The following MCPH1 variants were observed in gnomAD, a reference collection of about 807,000 sequenced individuals.
The protein encoded by MCPH1 is microcephalin.
MCPH1 carries 104 observed loss-of-function variants against 84.5 expected under a neutral mutation model. The ratio of observed to expected loss-of-function variants is 1.23; its 90% CI spans 1.05 to 1.45. The LOEUF is 1.45. Ranked by LOEUF, MCPH1 falls within the 40% of genes most tolerant of loss-of-function variation. The pLI, the probability that MCPH1 is intolerant of heterozygous loss-of-function variation, is 0.00. For synonymous variants in MCPH1, 514 were observed against 366.8 expected, an observed-to-expected ratio of 1.40 and a Z score of -4.58; for missense variants, 1,498 against 1,005.7, an observed-to-expected ratio of 1.49 and a Z score of -6.62.
At chr8:6,558,246 GC>G (rs1170405625) in intron 12 of MCPH1, among the ~76,000 whole-genome samples, 3 of 152,164 alleles carry the variant, frequency 2.0e-5, no homozygotes, top group Non-Finnish European at 4.4e-5. Context: ...ATCTCTGAGT[GC>G]TAATCTCCAA....
intron 12 of MCPH1, among the ~76,000 whole-genome samples, chr8:6,536,876 C>T (rs1239273683): frequency 6.6e-6 from 1 of 151,204 alleles, no homozygotes; most frequent in Non-Finnish European, 1.5e-5. Context: ...TTTAGTGTCT[C>T]TCTTATTTTT....
intron 12 of MCPH1, among the ~76,000 whole-genome samples, chr8:6,504,801 A>G (rs1214278573): frequency 6.6e-6 from 1 of 152,140 alleles, no homozygotes; most frequent in Non-Finnish European, 1.5e-5. Context: ...TACAAACTAA[A>G]CTTTGTAAGT....
intron 7 of MCPH1, among the ~76,000 whole-genome samples, chr8:6,443,423 G>C (rs756928310): frequency 2.7e-5 from 4 of 148,186 alleles, no homozygotes; most frequent in Non-Finnish European, 5.9e-5. Flanking sequence ...GGGAAGCTTT[G>C]GTGGTTACCT....
intron 12 of MCPH1, among the ~76,000 whole-genome samples, chr8:6,533,859 T>C (rs976310963): frequency 6.6e-6 from 1 of 152,212 alleles, no homozygotes; most frequent in Non-Finnish European, 1.5e-5. Flanking sequence ...CTTTCTGTCT[T>C]TAAGAGTAGG....
At chr8:6,524,147 T>G (rs1405458784) in intron 12 of MCPH1, among the ~76,000 whole-genome samples, 1 of 152,198 alleles carries the variant, frequency 6.6e-6, no homozygotes, top group Non-Finnish European at 1.5e-5. Flanking sequence ...TTAGTACACA[T>G]GAATTTGCAC....
intron 12 of MCPH1, chr8:6,514,647 C>A: frequency 1.8e-5 from 29 of 1,593,374 alleles, no homozygotes; most frequent in Non-Finnish European, 2.5e-5. Flanking sequence ...AAGGGAAATT[C>A]TTTTCTGATG....
chr8:6,581,532 C>T (rs1305427173), intron 12 of MCPH1, among the ~76,000 whole-genome samples: 1 of 152,192 alleles, frequency 6.6e-6, no homozygotes, highest in Non-Finnish European at 1.5e-5. Context: ...ACATCAGGAT[C>T]TCATGTAATA....
chr8:6,445,668 A>T (rs1804245312), intron 8 of MCPH1, 121 bp downstream of exon 8: 1 of 1,454,030 alleles, frequency 6.9e-7, no homozygotes, highest in East Asian at 2.5e-5. Flanking sequence ...CTTTTTACTT[A>T]AAGAATGTGC....
At chr8:6,583,927 C>T (rs569436346) in intron 12 of MCPH1, among the ~76,000 whole-genome samples, 2 of 141,930 alleles carry the variant, frequency 1.4e-5, no homozygotes, top group East Asian at 4.5e-4. Flanking sequence ...ATTTTTACTA[C>T]TTTCAAGTGG....
At chr8:6,532,621 C>A (rs1212347474) in intron 12 of MCPH1, 1 of 679,602 alleles carries the variant, frequency 1.5e-6, no homozygotes, top group African/African-American at 1.9e-5. Flanking sequence ...CCTTGCCTTC[C>A]TTTTGGAATC....
At chr8:6,482,562 C>T (rs1809376971) in intron 11 of MCPH1, among the ~76,000 whole-genome samples, 1 of 152,226 alleles carries the variant, frequency 6.6e-6, no homozygotes, top group South Asian at 2.1e-4. Context: ...AATGTTATTT[C>T]TAAGGATATG....
chr8:6,604,450 C>T (rs749459016), intron 12 of MCPH1, among the ~76,000 whole-genome samples: 7 of 152,232 alleles, frequency 4.6e-5, no homozygotes, highest in South Asian at 4.1e-4. Context: ...TTGCTTGGGT[C>T]GGTCAAAATA....
At position 6,647,369 on chromosome 8, in the gene MCPH1, T is replaced by C. The variant is rs1171268965; in HGVS notation, c.*4320T>C. 2 of 152,182 alleles carry C rather than the reference T, an allele frequency of 1.3e-5. No homozygotes were observed. Among genetic ancestry groups the C allele is most frequent in the African/African-American group, 2.4e-5 (1 of 41,454 alleles). 9.4% of individuals were successfully genotyped at this position (152,182 alleles called of 1,614,324 possible). ...GCCACTTTGAAACACCATTTGGCAG[T>C]TGCTTAAAAAATTGAACATTCAACT... On this transcript the variant is annotated 3_prime_UTR_variant, in exon 14 of 14. Coordinates refer to ENST00000344683, the MANE Select transcript of MCPH1 (RefSeq NM_024596.5).
At chr8:6,464,710 T>C (rs1221103136) in intron 9 of MCPH1, among the ~76,000 whole-genome samples, 1 of 152,158 alleles carries the variant, frequency 6.6e-6, no homozygotes, top group Non-Finnish European at 1.5e-5. Flanking sequence ...TAAGATCTGC[T>C]GCTTTGGCCA....
intron 3 of MCPH1, among the ~76,000 whole-genome samples, chr8:6,415,666 A>G (rs1799176873): frequency 6.6e-6 from 1 of 152,030 alleles, no homozygotes; most frequent in Non-Finnish European, 1.5e-5. Flanking sequence ...CACAGTTTTG[A>G]TTACAGTAAA....
intron 12 of MCPH1, among the ~76,000 whole-genome samples, chr8:6,571,941 T>A (rs941661096): frequency 6.6e-6 from 1 of 152,214 alleles, no homozygotes; most frequent in Non-Finnish European, 1.5e-5. Context: ...TGTCTGATGA[T>A]GGTTCAAGTC....
chr8:6,583,246 A>AT (rs563319107), intron 12 of MCPH1, among the ~76,000 whole-genome samples: 15 of 151,112 alleles, frequency 9.9e-5, no homozygotes, highest in African/African-American at 1.7e-4. Flanking sequence ...TTTATGCTTG[A>AT]TTTTTTTTTA....
chr8:6,507,738 A>G (rs1814069085), intron 12 of MCPH1: 1 of 151,994 alleles, frequency 6.6e-6, no homozygotes, highest in African/African-American at 2.4e-5. Context: ...GCCAGCCACC[A>G]TGCCCAGGTA....
chr8:6,422,218 A>G (rs547738793), intron 3 of MCPH1, among the ~76,000 whole-genome samples: 2 of 152,376 alleles, frequency 1.3e-5, no homozygotes, highest in South Asian at 2.1e-4. Flanking sequence ...TAGTAAGTCT[A>G]ACATTCATCT....
Sources: allele counts gnomAD v4.1 joint callset (sites outside exome capture counted in the v4.1 genomes callset), GRCh38; gene constraint gnomAD v4.1.1; transcripts MANE v1.5; gene names NCBI Gene and HGNC (gene_info 2026-07-23, HGNC 2026-07-21).